PDE5A: variants seen among roughly 807,000 people sequenced by gnomAD.
PDE5A encodes the protein cGMP-specific 3',5'-cyclic phosphodiesterase.
PDE5A carries 67 observed loss-of-function variants against 110.2 expected under a neutral mutation model. The observed-to-expected ratio is 0.61, with a 90% CI of 0.50 to 0.75. The LOEUF (loss-of-function observed/expected upper bound fraction) is 0.75, where lower values mean the gene tolerates loss of function less well. Ranked by LOEUF, PDE5A falls within the 30% of genes least tolerant of loss-of-function variation. The pLI is 0.00. For missense variants in PDE5A, 862 were observed against 1,045.1 expected (o/e 0.82, Z 2.42); for synonymous variants, 328 against 351.2 (o/e 0.93, Z 0.74).
chr4:119,615,456 A>G (rs1729903608), intron 1 of PDE5A, among the ~76,000 whole-genome samples: 1 of 152,062 alleles, frequency 6.6e-6, no homozygotes, highest in Non-Finnish European at 1.5e-5. Context: ...CAGAAAAAGG[A>G]TGAGAGTAAA....
At chr4:119,609,118 C>T (rs773844894) in intron 1 of PDE5A, among the ~76,000 whole-genome samples, 6 of 151,522 alleles carry the variant, frequency 4.0e-5, no homozygotes, top group Non-Finnish European at 5.9e-5. Flanking sequence ...GCTGAGATCG[C>T]GCCATTGCAC....
chr4:119,530,798 C>T (rs549519930), intron 11 of PDE5A, among the ~76,000 whole-genome samples: 18 of 152,182 alleles, frequency 1.2e-4, no homozygotes, highest in Admixed American at 7.2e-4. Flanking sequence ...TGGCATAGAG[C>T]TATAGTACAG....
intron 9 of PDE5A, chr4:119,549,342 T>C (rs766870242): frequency 1.3e-5 from 2 of 152,228 alleles, no homozygotes; most frequent in African/African-American, 2.4e-5. Flanking sequence ...AGTTTGAAAG[T>C]GTAAGAGACT....
chr4:119,624,198 T>A (rs910311737), intron 1 of PDE5A, among the ~76,000 whole-genome samples: 1 of 151,992 alleles, frequency 6.6e-6, no homozygotes, highest in African/African-American at 2.4e-5. Flanking sequence ...GCTCAGAGGG[T>A]TTTATTATCA....
intron 11 of PDE5A, among the ~76,000 whole-genome samples, chr4:119,527,463 C>A (rs934929569): frequency 1.3e-5 from 2 of 152,048 alleles, no homozygotes; most frequent in Admixed American, 6.6e-5. Flanking sequence ...GCTTCTTTGA[C>A]CATCACAAGA....
At chr4:119,534,113 C>T (rs1211179332) in intron 11 of PDE5A, among the ~76,000 whole-genome samples, 4 of 152,100 alleles carry the variant, frequency 2.6e-5, no homozygotes, top group Non-Finnish European at 5.9e-5. Flanking sequence ...AAACATGTAG[C>T]CCAGTTAATG....
chr4:119,561,598 T>C (rs1008859248), intron 6 of PDE5A, among the ~76,000 whole-genome samples: 3 of 152,142 alleles, frequency 2.0e-5, no homozygotes, highest in African/African-American at 7.2e-5. Flanking sequence ...AAGTGGGTCA[T>C]AGAGCAAAAA....
chr4:119,618,799 T>G (rs1730035192), intron 1 of PDE5A, among the ~76,000 whole-genome samples: 1 of 151,790 alleles, frequency 6.6e-6, no homozygotes, highest in African/African-American at 2.4e-5. Context: ...AAAACAACGC[T>G]TTAACACTCT....
In PDE5A at chr4:119,496,058, T is replaced by C. The variant is rs909843241; in HGVS notation, c.*2543A>G. The stretch of plus-strand genomic sequence containing the variant: ...GTGACTTACACAAATCCACCCAGGA[T>C]TGTGATTGGCACGGTCTAATCTACT... On this transcript the variant is annotated 3_prime_UTR_variant, in exon 21 of 21. Transcript: ENST00000354960. The C allele has an allele frequency of 1.3e-5, 2 of 152,132 alleles. No individual in the cohort carries two copies. Among genetic ancestry groups the C allele is most frequent in the African/African-American group, 4.8e-5 (2 of 41,446 alleles). 9.4% of individuals were successfully genotyped at this position (152,132 alleles called of 1,614,324 possible).
rs1246903830 is a variant in PDE5A, at chr4:119,496,408, C to T, written c.*2193G>A. 1.3e-5 allele frequency: 2 copies of T among 152,042 alleles called. No homozygotes were observed. Among genetic ancestry groups the T allele is most frequent in the African/African-American group, 4.8e-5 (2 of 41,414 alleles). The allele number at this position is 152,042 out of a possible 1,614,324, so 9.4% of individuals were successfully genotyped here. Reference sequence around the variant, plus strand: ...CAACAAAGAAATAAAATAGGCATTGCCCAGCTTCCTTTAATGTCTCAACTA... The same window carrying T: ...CAACAAAGAAATAAAATAGGCATTGTCCAGCTTCCTTTAATGTCTCAACTA... On this transcript the variant is annotated 3_prime_UTR_variant, in exon 21 of 21. Coordinates refer to ENST00000354960, the MANE Select transcript of PDE5A (RefSeq NM_001083.4).
intron 3 of PDE5A, among the ~76,000 whole-genome samples, chr4:119,576,967 A>G (rs1213926189): frequency 6.6e-6 from 1 of 152,184 alleles, no homozygotes; most frequent in Non-Finnish European, 1.5e-5. Flanking sequence ...GAAAAGAGAG[A>G]AGAATCAAAT....
chr4:119,567,481 A>G (rs528813583), intron 3 of PDE5A, among the ~76,000 whole-genome samples: 1 of 152,330 alleles, frequency 6.6e-6, no homozygotes, highest in African/African-American at 2.4e-5. Flanking sequence ...CATTTTGATT[A>G]CAGTTCCAAT....
At chr4:119,547,116 T>TG (rs1560610222) in intron 9 of PDE5A, among the ~76,000 whole-genome samples, 1 of 150,832 alleles carries the variant, frequency 6.6e-6, no homozygotes, top group Non-Finnish European at 1.5e-5. Context: ...GTTTTTTTTT[T>TG]TTTTTTTTTA....
At chr4:119,565,161 T>C (rs72920663) in intron 5 of PDE5A, among the ~76,000 whole-genome samples, 160 bp downstream of exon 5, 3,437 of 152,134 alleles carry the variant, frequency 0.023, 133 homozygotes, top group African/African-American at 0.078. Flanking sequence ...CAACTAAGCA[T>C]GGAAAATAGG....
intron 3 of PDE5A, among the ~76,000 whole-genome samples, chr4:119,589,804 T>C (rs111265410): frequency 0.017 from 2,623 of 152,220 alleles, 75 homozygotes; most frequent in African/African-American, 0.06. Context: ...TCATTTTTCA[T>C]CTTAAAAAGT....
intron 14 of PDE5A, 67 bp downstream of exon 14, chr4:119,518,978 T>TA (rs1726014349): frequency 1.8e-6 from 2 of 1,134,260 alleles, no homozygotes; most frequent in Admixed American, 3.6e-5. Flanking sequence ...GCTGTGGCTT[T>TA]AACTTAAAAA....
chr4:119,532,027 C>CA (rs1366761866), intron 11 of PDE5A, among the ~76,000 whole-genome samples: 2 of 152,108 alleles, frequency 1.3e-5, no homozygotes, highest in Admixed American at 1.3e-4. Flanking sequence ...TATATTTAAT[C>CA]AACTCTCAAA....
rs1725090355 is a variant in PDE5A at position 119,496,744 on chromosome 4, A to G, written c.*1857T>C. 1 of 152,564 alleles carries G rather than the reference A, an allele frequency of 6.6e-6. No homozygotes were observed. Among genetic ancestry groups the G allele is most frequent in the African/African-American group, 2.4e-5 (1 of 41,464 alleles). The allele number at this position is 152,564 out of a possible 1,614,324, so 9.5% of individuals were successfully genotyped here. A position where few individuals can be genotyped will look rare whatever the true frequency, so the allele number is the denominator to read the frequency against. On this transcript the variant is annotated 3_prime_UTR_variant, in exon 21 of 21. Coordinates refer to ENST00000354960, the MANE Select transcript of PDE5A (RefSeq NM_001083.4). ...TATACACCTGTATGTATATATAACT[A>G]TTATTTTAGTGATAGTCTGTGTATT...
intron 3 of PDE5A, among the ~76,000 whole-genome samples, chr4:119,592,935 T>TG (rs2110533153): frequency 6.6e-6 from 1 of 152,252 alleles, no homozygotes; most frequent in South Asian, 2.1e-4. Context: ...TCGGGCTATT[T>TG]GGGGATCTGT....
Sources: allele counts gnomAD v4.1 joint callset (sites outside exome capture counted in the v4.1 genomes callset), GRCh38; gene constraint gnomAD v4.1.1; transcripts MANE v1.5; gene names NCBI Gene and HGNC (gene_info 2026-07-23, HGNC 2026-07-21).